WDPCP: variants seen among roughly 807,000 people sequenced by gnomAD.
WDPCP encodes the protein WD repeat containing planar cell polarity effector.
Under a neutral mutation model 93.1 loss-of-function variants are expected in WDPCP, and 71 were observed. That is an observed-to-expected ratio of 0.76 (90% CI 0.63 to 0.93). The LOEUF (loss-of-function observed/expected upper bound fraction) is 0.93, where lower values mean the gene tolerates loss of function less well. Ranked by LOEUF, WDPCP falls within the 40% of genes least tolerant of loss-of-function variation. The probability of loss-of-function intolerance (pLI) is 0.00; values close to 1 mark genes in which losing one functional copy is unlikely to be tolerated. For synonymous variants in WDPCP, 315 were observed against 315.0 expected (o/e 1.00, Z 0.00); for missense variants, 844 against 887.4 (o/e 0.95, Z 0.62).
intron 12 of WDPCP, among the ~76,000 whole-genome samples, chr2:63,324,240 A>G (rs1403585947): frequency 6.6e-6 from 1 of 152,158 alleles, no homozygotes; most frequent in African/African-American, 2.4e-5. Flanking sequence ...ATACATGACT[A>G]TGCAAAGCTT....
intron 1 of WDPCP, among the ~76,000 whole-genome samples, chr2:63,552,465 C>T (rs1705750151): frequency 6.6e-6 from 1 of 152,110 alleles, no homozygotes; most frequent in Non-Finnish European, 1.5e-5. Flanking sequence ...AGTAATTCAA[C>T]TTAAAAAATA....
intron 17 of WDPCP, among the ~76,000 whole-genome samples, chr2:63,136,423 T>A (rs928881814): frequency 3.9e-5 from 6 of 152,054 alleles, no homozygotes; most frequent in African/African-American, 1.5e-4. Context: ...AAAGAGACAA[T>A]CTATTATAAT....
At chr2:63,609,786 C>T (rs955252956) in intron 3 of WDPCP, among the ~76,000 whole-genome samples, 6 of 151,970 alleles carry the variant, frequency 3.9e-5, no homozygotes, top group Non-Finnish European at 2.9e-5. Context: ...GTGGGAGGGT[C>T]GCTTGAACCC....
chr2:63,557,661 A>G (rs1706231035), intron 1 of WDPCP, among the ~76,000 whole-genome samples: 1 of 152,202 alleles, frequency 6.6e-6, no homozygotes, highest in Non-Finnish European at 1.5e-5. Flanking sequence ...ACAGACATCT[A>G]TAGAACACTC....
chr2:63,302,603 C>G (rs1322545548), intron 13 of WDPCP, among the ~76,000 whole-genome samples: 2 of 152,134 alleles, frequency 1.3e-5, no homozygotes, highest in Non-Finnish European at 2.9e-5. Context: ...ACCAGTTGGG[C>G]TTTTGGCTTC....
At chr2:63,602,934 CTTTTTTTTTTTTTTTTTTTTT>C (rs370479356) in intron 3 of WDPCP, among the ~76,000 whole-genome samples, 8 of 131,618 alleles carry the variant, frequency 6.1e-5, no homozygotes, top group East Asian at 2.1e-4. Flanking sequence ...TTTAACCGTT[CTTTTTTTTTTTTTTTTTTTTT>C]TTTTTTTTTT....
intron 2 of WDPCP, among the ~76,000 whole-genome samples, chr2:63,689,164 G>T (rs1334527046): frequency 6.6e-6 from 1 of 152,162 alleles, no homozygotes; most frequent in African/African-American, 2.4e-5. Context: ...AAGTGGCAAA[G>T]CATTATTACT....
intron 12 of WDPCP, among the ~76,000 whole-genome samples, chr2:63,360,605 G>A (rs369388797): frequency 9.2e-5 from 14 of 152,206 alleles, no homozygotes; most frequent in Middle Eastern, 3.4e-3. Flanking sequence ...ACTACTTAGC[G>A]GCGTCTCAGT....
intron 17 of WDPCP, among the ~76,000 whole-genome samples, chr2:63,151,526 G>C (rs1276184278): frequency 6.6e-6 from 1 of 152,114 alleles, no homozygotes; most frequent in Non-Finnish European, 1.5e-5. Context: ...CCAGGATGTT[G>C]TTGTTGTTGT....
chr2:63,286,184 A>G (rs972808608), intron 13 of WDPCP, among the ~76,000 whole-genome samples: 13 of 152,094 alleles, frequency 8.5e-5, no homozygotes, highest in African/African-American at 2.2e-4. Flanking sequence ...TAAATTTTCT[A>G]AATGTAATAT....
chr2:63,367,502 C>A (rs890694019), intron 12 of WDPCP, among the ~76,000 whole-genome samples: 3 of 152,036 alleles, frequency 2.0e-5, no homozygotes, highest in Non-Finnish European at 4.4e-5. Context: ...GTTTTATACA[C>A]ACACAAATAC....
At chr2:63,783,409 G>A (rs2103980314) in intron 2 of WDPCP, among the ~76,000 whole-genome samples, 1 of 152,070 alleles carries the variant, frequency 6.6e-6, no homozygotes, top group East Asian at 1.9e-4. Flanking sequence ...AACAGAGGAA[G>A]ACTCTGTCTC....
intron 10 of WDPCP, among the ~76,000 whole-genome samples, chr2:63,395,802 A>AC (rs1693678404): frequency 6.6e-6 from 1 of 152,092 alleles, no homozygotes; most frequent in Non-Finnish European, 1.5e-5. Context: ...ATTTCGGCTC[A>AC]CTGCATCCTC....
intron 12 of WDPCP, among the ~76,000 whole-genome samples, chr2:63,335,746 T>G (rs1429128467): frequency 6.6e-6 from 1 of 152,164 alleles, no homozygotes; most frequent in African/African-American, 2.4e-5. Flanking sequence ...AAATAGGAAC[T>G]GGGTAAAAAT....
At chr2:63,176,659 AT>A (rs1673832190) in intron 14 of WDPCP, among the ~76,000 whole-genome samples, 1 of 152,114 alleles carries the variant, frequency 6.6e-6, no homozygotes, top group Non-Finnish European at 1.5e-5. Flanking sequence ...GCTTTGTCAG[AT>A]TTGCAAATAT....
intron 1 of WDPCP, among the ~76,000 whole-genome samples, chr2:63,539,254 G>T (rs1165671540): frequency 2.0e-5 from 3 of 151,978 alleles, no homozygotes; most frequent in Non-Finnish European, 2.9e-5. Flanking sequence ...TCATAATCTG[G>T]CTTTTGATAG....
At chr2:63,354,119 C>T (rs774347550) in intron 12 of WDPCP, among the ~76,000 whole-genome samples, 1 of 152,140 alleles carries the variant, frequency 6.6e-6, no homozygotes, top group Non-Finnish European at 1.5e-5. Flanking sequence ...GCCTTATCCA[C>T]ACCTCTTACA....
chr2:63,412,092 A>T (rs941035365), intron 9 of WDPCP, among the ~76,000 whole-genome samples: 1 of 152,154 alleles, frequency 6.6e-6, no homozygotes, highest in Admixed American at 6.5e-5. Context: ...AAAACTACAG[A>T]CCGATATCCT....
chr2:63,508,623 T>G (rs1702035024), intron 1 of WDPCP, among the ~76,000 whole-genome samples: 1 of 152,050 alleles, frequency 6.6e-6, no homozygotes, highest in East Asian at 1.9e-4. Context: ...ATGCTCCAAT[T>G]AAAGGGCACA....
Sources: allele counts gnomAD v4.1 joint callset (sites outside exome capture counted in the v4.1 genomes callset), GRCh38; gene constraint gnomAD v4.1.1; transcripts MANE v1.5; gene names NCBI Gene and HGNC (gene_info 2026-07-23, HGNC 2026-07-21).